SLC12A3: variants seen among roughly 807,000 people sequenced by gnomAD.
SLC12A3 encodes the protein Na-Cl cotransporter.
In SLC12A3, 104 loss-of-function variants were observed where a neutral mutation model predicts 121.0. The ratio of observed to expected loss-of-function variants is 0.86; its 90% CI spans 0.73 to 1.01. The LOEUF (loss-of-function observed/expected upper bound fraction) is 1.01. Ranked by LOEUF, SLC12A3 falls within the 50% of genes least tolerant of loss-of-function variation. SLC12A3 has a pLI of 0.00. For synonymous variants in SLC12A3, 536 were observed against 533.4 expected (o/e 1.00, Z -0.07); for missense variants, 1,328 against 1,356.3 (o/e 0.98, Z 0.33).
At chr16:56,878,051 C>CCTCCCTCTCTCCCTCCCCCCCTCT in intron 8 of SLC12A3, 26 bp from the exon 9 acceptor site, 1 of 771,686 alleles carries the variant, frequency 1.3e-6, no homozygotes, top group Non-Finnish European at 2.2e-6. Flanking sequence ...TCCCTCCCTC[C>CCTCCCTCTCTCCCTCCCCCCCTCT]CTCCCTCTCT....
chr16:56,873,714 T>A (rs1389589250), intron 8 of SLC12A3, among the ~76,000 whole-genome samples: 2 of 147,828 alleles, frequency 1.4e-5, no homozygotes, highest in African/African-American at 5.0e-5. Context: ...TTTTATTTTT[T>A]TTTTTTTGAG....
At position 56,890,325 on chromosome 16, in the gene SLC12A3, A is replaced by G; in HGVS notation, c.2337A>G (p.Gly779=). Residue 779 remains glycine, a synonymous_variant, in exon 19 of 26, where the codon GGA becomes GGG. Transcript: ENST00000563236. ...YGVCVMRMRE[G]LNVSKMMQAH... is the part of the protein sequence containing the mutation. Reference sequence around the variant, plus strand: ...TGTGTGTCATGAGGATGCGGGAGGGACTCAACGTGTCCAAGATGATGCAGG... The same window carrying G: ...TGTGTGTCATGAGGATGCGGGAGGGGCTCAACGTGTCCAAGATGATGCAGG... 6.2e-7 allele frequency: 1 copy of G among 1,613,998 alleles called. No individual in the cohort carries two copies. The highest frequency in any genetic ancestry group is 8.5e-7 in the Non-Finnish European group (1 of 1,179,996).
intron 4 of SLC12A3, 86 bp from the exon 5 acceptor site, chr16:56,870,010 C>A: frequency 6.4e-7 from 1 of 1,566,136 alleles, no homozygotes; most frequent in South Asian, 1.1e-5. Flanking sequence ...GTCCTGTGGC[C>A]ACCCTCTCCT....
intron 1 of SLC12A3, among the ~76,000 whole-genome samples, chr16:56,865,867 G>A (rs1478304837): frequency 6.6e-6 from 1 of 152,202 alleles, no homozygotes; most frequent in Non-Finnish European, 1.5e-5. Flanking sequence ...TTTGCTGCCC[G>A]GGAGGCTGGA....
In SLC12A3 at chr16:56,886,367, C is replaced by T. The variant is rs2055310550; in HGVS notation, c.1929C>T (p.Pro643=). The T allele has an allele frequency of 1.2e-6, 2 of 1,612,692 alleles. No homozygotes were observed. Among genetic ancestry groups the T allele is most frequent in the Admixed American group, 1.7e-5 (1 of 60,000 alleles). Reference sequence around the variant, plus strand: ...CCCTTTTCCCTTCCCTCCTCAGCCCCCAGTGCCTGGTGCTCACGGGGCCCC... The same window carrying T: ...CCCTTTTCCCTTCCCTCCTCAGCCCTCAGTGCCTGGTGCTCACGGGGCCCC... ...EVEDHIKNYR[P]QCLVLTGPPN... is the part of the protein sequence containing the mutation. The change falls in exon 16 of 26, where the codon CCC becomes CCT. Residue 643 remains proline (P), a synonymous_variant. Coordinates refer to ENST00000563236, the MANE Select transcript of SLC12A3 (RefSeq NM_001126108.2).
rs2055217934 is a variant in SLC12A3 at position 56,880,071 on chromosome 16, C to T, written c.1444-59C>T. ...GCCGGGGCTGGAGCTCAGGTGGCCC[C>T]AGGGGAGGGGAAGTGGCAGGTCCCA... On this transcript the variant is annotated intron_variant, in intron 11 of 25. Transcript: ENST00000563236. 3 of 1,591,406 alleles carry T rather than the reference C, an allele frequency of 1.9e-6. No individual in the cohort carries two copies. In the African/African-American group the frequency reaches 4.0e-5, roughly 21 times the overall value.
At chr16:56,903,148 CAA>C (rs34955209) in intron 24 of SLC12A3, among the ~76,000 whole-genome samples, 10 of 119,096 alleles carry the variant, frequency 8.4e-5, no homozygotes, top group South Asian at 2.7e-4. Flanking sequence ...GACTCCGTCT[CAA>C]AAAAAAAAAA....
intron 21 of SLC12A3, 113 bp from the exon 22 acceptor site, chr16:56,894,418 G>A: frequency 1.3e-6 from 1 of 752,148 alleles, no homozygotes; most frequent in Non-Finnish European, 2.4e-6. Context: ...GGGTCGACTG[G>A]GGTCCAGCGA....
chr16:56,870,354 C>T, intron 5 of SLC12A3, 119 bp downstream of exon 5: 1 of 1,107,686 alleles, frequency 9.0e-7, no homozygotes, highest in Non-Finnish European at 1.3e-6. Flanking sequence ...TCAGGAACCA[C>T]AGCCTGATCA....
chr16:56,883,350 G>C (rs960259177), intron 13 of SLC12A3, among the ~76,000 whole-genome samples: 2 of 143,286 alleles, frequency 1.4e-5, no homozygotes, highest in Non-Finnish European at 3.0e-5. Flanking sequence ...GCACGATCTC[G>C]GCTCACTGCA....
At chr16:56,879,304 G>A (rs1758271691) in intron 10 of SLC12A3, 77 bp downstream of exon 10, 2 of 1,578,600 alleles carry the variant, frequency 1.3e-6, no homozygotes, top group Admixed American at 3.3e-5. Flanking sequence ...AGGCCTGGAA[G>A]TTTGTTGGGG....
chr16:56,899,379 C>T, intron 22 of SLC12A3, 151 bp from the exon 23 acceptor site: 4 of 677,838 alleles, frequency 5.9e-6, no homozygotes, highest in Non-Finnish European at 1.1e-5. Flanking sequence ...ATCCCAACTA[C>T]TCGGGAGGCT....
chr16:56,892,992 C>A lies in SLC12A3; in HGVS notation c.2459C>A (p.Thr820Asn). Residue 820 changes from threonine (T) to asparagine (N), a missense_variant, in exon 21 of 26, where the codon ACC becomes AAC. Physicochemically the swap from Thr to Asn is moderately conservative, Grantham distance 65 (BLOSUM62 0). Coordinates refer to ENST00000563236, the MANE Select transcript of SLC12A3 (RefSeq NM_001126108.2). Reference protein sequence around the residue: ...KALVKEEQATTIFQSEQGKKT... With the variant: ...KALVKEEQATNIFQSEQGKKT... ...CTGGTGAAGGAGGAGCAGGCCACCA[C>A]CATCTTCCAGTCGGAGCAGGGCAAG... The A allele has an allele frequency of 6.2e-7, 1 of 1,614,234 alleles. No individual in the cohort carries two copies. The highest frequency in any genetic ancestry group is 8.5e-7 in the Non-Finnish European group (1 of 1,180,028).
chr16:56,901,345 C>CTTTTTTTTTTTT (rs1408480661), intron 23 of SLC12A3, among the ~76,000 whole-genome samples: 11 of 84,138 alleles, frequency 1.3e-4, no homozygotes, highest in African/African-American at 5.5e-4. Context: ...ATCTCTCTCT[C>CTTTTTTTTTTTT]TCTTTTTTTT....
intron 3 of SLC12A3, 33 bp downstream of exon 3, chr16:56,868,405 C>T (rs781639760): frequency 2.5e-6 from 4 of 1,581,892 alleles, no homozygotes; most frequent in Non-Finnish European, 3.5e-6. Flanking sequence ...GGAGGGAGGG[C>T]TTGCCTGAAT....
chr16:56,865,416 A>G lies in SLC12A3; in HGVS notation c.181A>G (p.Ile61Val), dbSNP rs754133663. 1 of 1,614,134 alleles carries G rather than the reference A, an allele frequency of 6.2e-7. No individual in the cohort carries two copies. The highest frequency in any genetic ancestry group is 8.5e-7 in the Non-Finnish European group (1 of 1,180,024). Residue 61 changes from isoleucine to valine, a missense_variant, in exon 1 of 26, where the codon ATC becomes GTC. By Grantham distance (29) the Ile-to-Val change is conservative. Transcript: ENST00000563236. ...CATGCGCACCTTTGGCTACAACACG[A>G]TCGATGTGGTGCCCACATATGAGCA... is the stretch of plus-strand genomic sequence containing the variant. ...FCMRTFGYNT[I>V]DVVPTYEHYA...
At chr16:56,878,041 T>TCTCTC in intron 8 of SLC12A3, 36 bp from the exon 9 acceptor site, 1 of 393,172 alleles carries the variant, frequency 2.5e-6, no homozygotes, top group Non-Finnish European at 4.9e-6. Flanking sequence ...CCTCTCTCCC[T>TCTCTC]CCCTCCCTCC....
intron 8 of SLC12A3, 136 bp downstream of exon 8, chr16:56,872,922 C>A: frequency 8.7e-7 from 1 of 1,142,976 alleles, no homozygotes; most frequent in East Asian, 2.4e-5. Flanking sequence ...TCCAACTCAG[C>A]TCAGTTCAAC....
Position 56,865,234 on chromosome 16 carries a change from C to G in SLC12A3, c.-2C>G. ...GGCCCCTCCCTGGACACCCAGGCGA[C>G]AATGGCAGAACTGCCCACAACAGAG... On this transcript the variant is annotated 5_prime_UTR_variant, in exon 1 of 26. Coordinates refer to ENST00000563236, the MANE Select transcript of SLC12A3 (RefSeq NM_001126108.2). 1.2e-6 allele frequency: 2 copies of G among 1,613,532 alleles called. No homozygotes were observed. The highest frequency in any genetic ancestry group is 1.7e-6 in the Non-Finnish European group (2 of 1,179,976).
Sources: allele counts gnomAD v4.1 joint callset (sites outside exome capture counted in the v4.1 genomes callset), GRCh38; gene constraint gnomAD v4.1.1; transcripts MANE v1.5; gene names NCBI Gene and HGNC (gene_info 2026-07-23, HGNC 2026-07-21).